ITPKB: variants seen among roughly 807,000 people sequenced by gnomAD.
ITPKB encodes the protein IP3 3-kinase B.
ITPKB carries 13 observed loss-of-function variants against 69.4 expected under a neutral mutation model. The observed-to-expected ratio is 0.19, with a 90% CI of 0.12 to 0.30. The LOEUF is 0.30. Ranked by LOEUF, ITPKB falls within the 10% of genes least tolerant of loss-of-function variation. ITPKB has a pLI of 1.00. For missense variants in ITPKB, 1,240 were observed against 1,250.5 expected, an observed-to-expected ratio of 0.99 and a Z score of 0.13; for synonymous variants, 584 against 513.7, an observed-to-expected ratio of 1.14 and a Z score of -1.85.
intron 2 of ITPKB, among the ~76,000 whole-genome samples, chr1:226,671,865 A>C (rs919602962): frequency 1.3e-5 from 2 of 152,172 alleles, no homozygotes; most frequent in Admixed American, 6.5e-5. Context: ...CAAAGAGGAG[A>C]ATATATCACA....
intron 2 of ITPKB, among the ~76,000 whole-genome samples, chr1:226,725,028 C>T (rs1370662182): frequency 6.6e-6 from 1 of 150,482 alleles, no homozygotes; most frequent in African/African-American, 2.4e-5. Flanking sequence ...GGCTGTTGCC[C>T]AAATCCAGTT....
At chr1:226,656,938 TTC>T (rs1381956306) in intron 2 of ITPKB, 1 of 152,264 alleles carries the variant, frequency 6.6e-6, no homozygotes, top group East Asian at 1.9e-4. Context: ...GGTTTTTTGC[TTC>T]TGTGTCTATT....
chr1:226,707,626 G>A, intron 2 of ITPKB: 1 of 994,074 alleles, frequency 1.0e-6, no homozygotes, highest in Non-Finnish European at 1.2e-6. Context: ...TAAATAGGCA[G>A]TGTACACATG....
At chr1:226,726,484 C>A (rs1176271626) in intron 2 of ITPKB, among the ~76,000 whole-genome samples, 1 of 152,058 alleles carries the variant, frequency 6.6e-6, no homozygotes, top group Non-Finnish European at 1.5e-5. Context: ...CGAGACCAGC[C>A]TGGGCAACAT....
chr1:226,718,406 C>A (rs752630367), intron 2 of ITPKB, among the ~76,000 whole-genome samples: 4 of 151,954 alleles, frequency 2.6e-5, no homozygotes, highest in African/African-American at 7.3e-5. Flanking sequence ...CCAGCCTTGG[C>A]GACACAGCAA....
At chr1:226,657,635 T>C (rs1486726126) in intron 2 of ITPKB, among the ~76,000 whole-genome samples, 6 of 152,214 alleles carry the variant, frequency 3.9e-5, no homozygotes, top group African/African-American at 1.2e-4. Flanking sequence ...ATGTCTAACA[T>C]AGTGTTAGAT....
intron 2 of ITPKB, among the ~76,000 whole-genome samples, chr1:226,682,430 G>A (rs1367668392): frequency 4.6e-5 from 7 of 152,218 alleles, no homozygotes; most frequent in Non-Finnish European, 1.0e-4. Flanking sequence ...AGGGTTTGGA[G>A]CAAAGCAAGC....
chr1:226,718,622 C>T (rs1463451345), intron 2 of ITPKB, among the ~76,000 whole-genome samples: 1 of 152,064 alleles, frequency 6.6e-6, no homozygotes, highest in Admixed American at 6.6e-5. Context: ...CAAAACAAAA[C>T]AAGACACAGA....
rs553937343 is a variant in ITPKB at position 226,720,851 on chromosome 1, T to C, written c.1932+14676A>G. 2.0e-5 allele frequency among the ~76,000 whole-genome samples: 3 copies of C among 148,726 alleles called. No individual in the cohort carries two copies. The East Asian group carries it at 6.0e-4, about 30-fold the overall frequency. On this transcript the variant is annotated intron_variant, in intron 2 of 7. Transcript: ENST00000429204. ...CAGATCACGCGGTTCAAGATCAGCC[T>C]GGCCAAGATGCTGAAACCCCATCTC...
rs1284097985 is a variant in ITPKB, at chr1:226,737,079, GCCT to G, written c.377_379del (p.Glu126del). On this transcript the variant is annotated inframe_deletion, in exon 2 of 8. Transcript: ENST00000429204. ...CTGCAAGATCCGCAGCTTCCTCTTG[GCCT>G]CCTCCGGCCCTGGCGGGGAGAGGGT... The G allele has an allele frequency of 8.1e-6, 13 of 1,609,858 alleles. No homozygotes were observed. The highest frequency in any genetic ancestry group is 1.0e-5 in the Non-Finnish European group (12 of 1,179,904).
rs1668751938 is a variant in ITPKB at position 226,632,720 on chromosome 1, A to G, written c.*1951T>C. 6.6e-6 allele frequency: 1 copy of G among 152,594 alleles called. No homozygotes were observed. The highest frequency in any genetic ancestry group is 1.5e-5 in the Non-Finnish European group (1 of 68,034). 9.5% of individuals were successfully genotyped at this position (152,594 alleles called of 1,614,324 possible). ...GGTGTCTGCCTAAAGTGCTTGGAAC[A>G]TTTTGTTCTCTTAAACAGGTCCCCT... On this transcript the variant is annotated 3_prime_UTR_variant, in exon 8 of 8. Transcript: ENST00000429204.
intron 2 of ITPKB, among the ~76,000 whole-genome samples, chr1:226,659,362 G>A (rs1183890389): frequency 1.3e-5 from 2 of 152,006 alleles, no homozygotes; most frequent in East Asian, 3.9e-4. Flanking sequence ...CCCATAAGAG[G>A]GAGCAGGGTC....
At chr1:226,654,602 G>A (rs1293203239) in intron 2 of ITPKB, among the ~76,000 whole-genome samples, 2 of 152,164 alleles carry the variant, frequency 1.3e-5, no homozygotes, top group African/African-American at 4.8e-5. Context: ...GCCTTCCTGG[G>A]CAAGCAGTTA....
At chr1:226,635,990 G>C (rs540231860) in intron 7 of ITPKB, among the ~76,000 whole-genome samples, 2 of 152,352 alleles carry the variant, frequency 1.3e-5, no homozygotes, top group East Asian at 3.9e-4. Context: ...GCCCAAAAAA[G>C]GGGCTTCCTC....
At chr1:226,730,449 C>T (rs1262359472) in intron 2 of ITPKB, among the ~76,000 whole-genome samples, 2 of 152,086 alleles carry the variant, frequency 1.3e-5, no homozygotes, top group African/African-American at 4.8e-5. Flanking sequence ...TTTCATGATG[C>T]CAATTCTACC....
chr1:226,735,786 C>T lies in ITPKB; in HGVS notation c.1673G>A (p.Arg558Lys). Residue 558 changes from arginine (R) to lysine (K), a missense_variant, in exon 2 of 8, where the codon AGG becomes AAG. Transcript: ENST00000429204. ...LPQDPDKPFL[R>K]KACSPSNIPA... Reference sequence around the variant, plus strand: ...TATGTTGCTGGGGCTGCAGGCCTTCCTCAGGAAAGGCTTGTCCGGATCTTG... The same window carrying T: ...TATGTTGCTGGGGCTGCAGGCCTTCTTCAGGAAAGGCTTGTCCGGATCTTG... The T allele has an allele frequency of 6.2e-7, 1 of 1,602,394 alleles. No individual in the cohort carries two copies. Among genetic ancestry groups the T allele is most frequent in the Non-Finnish European group, 8.5e-7 (1 of 1,170,852 alleles).
rs79846620 is a variant in ITPKB at position 226,665,617 on chromosome 1, G to A, written c.1933-16846C>T. ...CGACAGATCACACAAAAGCTACCTC[G>A]GTGGTCACCGGCGGGGGCTGAGATG... On this transcript the variant is annotated intron_variant, in intron 2 of 7. Coordinates refer to ENST00000429204, the MANE Select transcript of ITPKB (RefSeq NM_002221.4). 1.7e-3 allele frequency among the ~76,000 whole-genome samples: 255 copies of A among 152,252 alleles called. 2 individuals are homozygous for A. The highest frequency in any genetic ancestry group is 6.0e-3 in the African/African-American group (248 of 41,550).
At chr1:226,655,234 G>T (rs963362201) in intron 2 of ITPKB, among the ~76,000 whole-genome samples, 1 of 152,216 alleles carries the variant, frequency 6.6e-6, no homozygotes, top group Middle Eastern at 3.2e-3. Context: ...TACATAACAT[G>T]CAAAATGAAA....
At chr1:226,656,564 T>G (rs1028410018) in intron 2 of ITPKB, 6 of 152,282 alleles carry the variant, frequency 3.9e-5, no homozygotes, top group African/African-American at 1.4e-4. Flanking sequence ...TCCAGCCCCC[T>G]TCTTGCTGAT....
Sources: allele counts gnomAD v4.1 joint callset (sites outside exome capture counted in the v4.1 genomes callset), GRCh38; gene constraint gnomAD v4.1.1; transcripts MANE v1.5; gene names NCBI Gene and HGNC (gene_info 2026-07-23, HGNC 2026-07-21).